SASH1: variants seen among roughly 807,000 people sequenced by gnomAD.
SASH1 encodes the protein SAM and SH3 domain-containing protein 1.
In SASH1, 44 loss-of-function variants were observed where a neutral mutation model predicts 125.2. That is an observed-to-expected ratio of 0.35 (90% CI 0.28 to 0.45). SASH1 has a LOEUF of 0.45. Among genes scored for constraint, SASH1 ranks in the 20% least tolerant of loss-of-function variants. The pLI is 1.00. For synonymous variants in SASH1, 639 were observed against 649.1 expected (o/e 0.98, Z 0.24); for missense variants, 1,426 against 1,614.5 (o/e 0.88, Z 2.00).
At chr6:148,244,557 C>T in the SASH1 span, among the ~76,000 whole-genome samples, 1 of 152,164 alleles carries the variant, frequency 6.6e-6, no homozygotes, top group East Asian at 1.9e-4. Context: ...GCGTTGTTTG[C>T]AGCTCTAGTG....
At chr6:148,203,407 C>G in the SASH1 span, among the ~76,000 whole-genome samples, 1 of 152,078 alleles carries the variant, frequency 6.6e-6, no homozygotes, top group East Asian at 1.9e-4. Context: ...TCTGTTTCTC[C>G]TTTATCACAT....
intron 8 of SASH1, among the ~76,000 whole-genome samples, chr6:148,505,723 T>C (rs910231282): frequency 4.0e-5 from 6 of 151,570 alleles, no homozygotes; most frequent in Admixed American, 3.3e-4. Context: ...CTGCAACCTC[T>C]GCCTCCCAGG....
intron 2 of SASH1, among the ~76,000 whole-genome samples, chr6:148,390,984 T>C (rs894823749): frequency 6.6e-6 from 1 of 151,692 alleles, no homozygotes; most frequent in African/African-American, 2.4e-5. Flanking sequence ...ACATAAAATT[T>C]TAAGGAACAA....
At position 148,399,927 on chromosome 6, in the gene SASH1, G is replaced by A. The variant is rs964944759; in HGVS notation, c.285+9665G>A. Among the ~76,000 whole-genome samples, 3 of 152,332 alleles carry A rather than the reference G, an allele frequency of 2.0e-5. No individual in the cohort carries two copies. The Middle Eastern group carries it at 0.01, about 518-fold the overall frequency. On this transcript the variant is annotated intron_variant, in intron 2 of 19. Transcript: ENST00000367467. ...TTAAAACCAGGATGCCAAAATTGTA[G>A]TGTGATCTCAGTCTTTACATTTAAC...
At chr6:148,388,778 C>G (rs1403218163) in intron 1 of SASH1, among the ~76,000 whole-genome samples, 7 of 152,222 alleles carry the variant, frequency 4.6e-5, no homozygotes, top group Non-Finnish European at 1.0e-4. Flanking sequence ...GCCTGCTTCG[C>G]AGTGTTAGGC....
At chr6:148,503,955 A>G (rs553580720) in intron 8 of SASH1, among the ~76,000 whole-genome samples, 1 of 152,320 alleles carries the variant, frequency 6.6e-6, no homozygotes, top group Admixed American at 6.5e-5. Context: ...AATATATGTC[A>G]TGTGTAGTCA....
At chr6:148,236,187 G>A in the SASH1 span, among the ~76,000 whole-genome samples, 1 of 151,994 alleles carries the variant, frequency 6.6e-6, no homozygotes, top group Non-Finnish European at 1.5e-5. Context: ...ACTAAATTGG[G>A]CTGCTTAAAT....
intron 2 of SASH1, among the ~76,000 whole-genome samples, chr6:148,425,604 T>G (rs888822692): frequency 2.6e-5 from 4 of 152,148 alleles, no homozygotes; most frequent in Non-Finnish European, 5.9e-5. Flanking sequence ...TTGAAAAAAT[T>G]GGAAAATATT....
chr6:148,337,422 C>T (rs1329816128), intron 1 of SASH1, among the ~76,000 whole-genome samples: 1 of 152,062 alleles, frequency 6.6e-6, no homozygotes, highest in African/African-American at 2.4e-5. Flanking sequence ...GATGGGGTTT[C>T]ACCACGTTAG....
At chr6:148,250,862 T>TA in the SASH1 span, among the ~76,000 whole-genome samples, 2 of 152,148 alleles carry the variant, frequency 1.3e-5, no homozygotes, top group Non-Finnish European at 2.9e-5. Context: ...GCTAAAATTT[T>TA]AAAAAGAAAG....
intron 1 of SASH1, among the ~76,000 whole-genome samples, chr6:148,310,648 A>G (rs1780302013): frequency 6.6e-6 from 1 of 152,242 alleles, no homozygotes; most frequent in African/African-American, 2.4e-5. Context: ...AAGGACTTGT[A>G]TCCAGAATAT....
At chr6:148,504,948 A>G (rs1779719357) in intron 8 of SASH1, among the ~76,000 whole-genome samples, 2 of 152,052 alleles carry the variant, frequency 1.3e-5, no homozygotes, top group South Asian at 4.1e-4. Flanking sequence ...CTGTGAGGAG[A>G]GGCCGCTCAG....
intron 1 of SASH1, among the ~76,000 whole-genome samples, chr6:148,361,059 G>A (rs1037275280): frequency 6.6e-6 from 1 of 152,220 alleles, no homozygotes; most frequent in African/African-American, 2.4e-5. Context: ...AGAACAGCAT[G>A]TGATGGTGGA....
intron 8 of SASH1, among the ~76,000 whole-genome samples, chr6:148,500,233 T>C (rs1583261111): frequency 2.7e-5 from 4 of 148,626 alleles, no homozygotes; most frequent in African/African-American, 9.9e-5. Flanking sequence ...TTTTTTTTTT[T>C]CTCCTTTCAA....
chr6:148,310,774 CA>C (rs1197451287), intron 1 of SASH1, among the ~76,000 whole-genome samples: 1 of 151,678 alleles, frequency 6.6e-6, no homozygotes, highest in Non-Finnish European at 1.5e-5. Context: ...CAGGAAAATG[CA>C]AATTTAAAAA....
chr6:148,389,809 G>A (rs1196882094), intron 1 of SASH1, among the ~76,000 whole-genome samples: 2 of 152,224 alleles, frequency 1.3e-5, no homozygotes, highest in Non-Finnish European at 2.9e-5. Context: ...CAGAGAGATG[G>A]GGATTGAAGA....
the SASH1 span, among the ~76,000 whole-genome samples, chr6:148,211,224 A>C: frequency 6.6e-6 from 1 of 152,224 alleles, no homozygotes; most frequent in East Asian, 1.9e-4. Flanking sequence ...AAGAGAAGAC[A>C]GGTTCCTACT....
intron 4 of SASH1, among the ~76,000 whole-genome samples, chr6:148,462,424 C>T (rs555665652): frequency 4.0e-5 from 6 of 151,768 alleles, no homozygotes; most frequent in African/African-American, 1.2e-4. Flanking sequence ...GTGCTGGACT[C>T]AGTATGTAGA....
intron 8 of SASH1, chr6:148,512,368 A>G: frequency 1.9e-6 from 1 of 521,748 alleles, no homozygotes; most frequent in Non-Finnish European, 2.5e-6. Context: ...TCTATAACAT[A>G]ATGTTGATTC....
Sources: allele counts gnomAD v4.1 joint callset (sites outside exome capture counted in the v4.1 genomes callset), GRCh38; gene constraint gnomAD v4.1.1; transcripts MANE v1.5; gene names NCBI Gene and HGNC (gene_info 2026-07-23, HGNC 2026-07-21).